Variants in MDP1 observed in about 807,000 individuals in gnomAD.
MDP1 encodes magnesium dependent phosphatase 1, also known as magnesium-dependent phosphatase 1.
Under a neutral mutation model 21.6 loss-of-function variants are expected in MDP1, and 18 were observed. The ratio of observed to expected loss-of-function variants is 0.83; its 90% confidence interval spans 0.58 to 1.24. MDP1 has a LOEUF of 1.24. Among genes scored for constraint, MDP1 ranks in the 50% most tolerant of loss-of-function variants. The pLI is 0.00. For missense variants in MDP1, 207 were observed against 218.6 expected (o/e 0.95, Z 0.33); for synonymous variants, 101 against 83.2 (o/e 1.21, Z -1.16).
rs1010777639 is a variant in MDP1, at chr14:24,214,306, G to A, written c.403+4C>T. On this transcript the variant is annotated splice_donor_region_variant and intron_variant, in intron 5 of 5. Coordinates refer to ENST00000288087, the MANE Select transcript of MDP1 (RefSeq NM_138476.4). ...CCAAATGGCTGTTCCTCATCACTCA[G>A]TACCCAGTTTGCTGACGTCTACAAT... The A allele has an allele frequency of 1.2e-6, 2 of 1,614,032 alleles. No homozygotes were observed. The highest frequency in any genetic ancestry group is 1.3e-5 in the African/African-American group (1 of 74,912).
chr14:24,215,081 CTT>C lies in MDP1; in HGVS notation c.209+469_209+470del, dbSNP rs907932145. 4.2e-3 allele frequency among the ~76,000 whole-genome samples: 466 copies of C among 111,240 alleles called. 1 individual carries two copies. The highest frequency in any genetic ancestry group is 0.014 in the African/African-American group (368 of 26,468). The allele number at this position is 111,240 out of a possible 152,430, so 73.0% of individuals were successfully genotyped here. On this transcript the variant is annotated intron_variant, in intron 3 of 5. Coordinates refer to ENST00000288087, the MANE Select transcript of MDP1 (RefSeq NM_138476.4). ...GTGTGAGTCACTGTGTCTGGCCCCA[CTT>C]TTTTTTTTTTTTTTTTTTTTGAGAC... is the stretch of plus-strand genomic sequence containing the variant.
chr14:24,215,765 G>T lies in MDP1; in HGVS notation c.70C>A (p.His24Asn). The change falls in exon 2 of 6, where the codon CAC (histidine) becomes AAC (asparagine). Residue 24 changes from histidine (H) to asparagine (N), a missense_variant. Physicochemically the swap from His to Asn is moderately conservative, Grantham distance 68 (BLOSUM62 1). Transcript: ENST00000288087. ...YTLWPFWVDT[H>N]VDPPFHKSSD... ...CTCTTATGGAACGGAGGGTCTACGT[G>T]CGTGTCGACCCAGAAAGGCCAGAGA... 6.2e-7 allele frequency: 1 copy of T among 1,614,204 alleles called. No individual in the cohort carries two copies. The highest frequency in any genetic ancestry group is 8.5e-7 in the Non-Finnish European group (1 of 1,180,046).
At position 24,215,973 on chromosome 14, in the gene MDP1, G is replaced by A. The variant is rs2039690046; in HGVS notation, c.-18C>T. 3 of 1,614,006 alleles carry A rather than the reference G, an allele frequency of 1.9e-6. No homozygotes were observed. Among genetic ancestry groups the A allele is most frequent in the Non-Finnish European group, 2.5e-6 (3 of 1,180,026 alleles). ...CGCGCCATGACCCGCACCGCAGGCTGCGCGCAGCAGAGGTGGGGCTTCACC... is the reference window on the plus strand; with the variant it reads ...CGCGCCATGACCCGCACCGCAGGCTACGCGCAGCAGAGGTGGGGCTTCACC... On this transcript the variant is annotated 5_prime_UTR_variant, in exon 1 of 6. Coordinates refer to ENST00000288087, the MANE Select transcript of MDP1 (RefSeq NM_138476.4).
In MDP1 at chr14:24,216,023, T is replaced by TC; in HGVS notation, c.-69dup. On this transcript the variant is annotated 5_prime_UTR_variant, in exon 1 of 6. The change creates a premature stop within an existing upstream ORF in the 5' untranslated region. Transcript: ENST00000288087. ...CCGGGGCCTTAGAGAGTGCGGAACC[T>TC]CCGGCAGCTAAGGCAGCCACCCTGC... 6.2e-7 allele frequency: 1 copy of TC among 1,604,386 alleles called. No homozygotes were observed. Among genetic ancestry groups the TC allele is most frequent in the Non-Finnish European group, 8.5e-7 (1 of 1,174,852 alleles).
Position 24,215,757 on chromosome 14 carries a change from G to T in MDP1, c.78C>A (p.Asp26Glu), listed in dbSNP as rs2138871994. 1 of 1,614,244 alleles carries T rather than the reference G, an allele frequency of 6.2e-7. No individual in the cohort carries two copies. Among genetic ancestry groups the T allele is most frequent in the Non-Finnish European group, 8.5e-7 (1 of 1,180,052 alleles). ...CTCACCTGCTCTTATGGAACGGAGG[G>T]TCTACGTGCGTGTCGACCCAGAAAG... is the stretch of plus-strand genomic sequence containing the variant. ...LWPFWVDTHV[D>E]PPFHKSSDGT... Residue 26 changes from aspartate (D) to glutamate (E), a missense_variant, in exon 2 of 6, where the codon GAC becomes GAA. Transcript: ENST00000288087.
In MDP1 at chr14:24,215,847, G is replaced by C. The variant is rs976308688; in HGVS notation, c.38-50C>G. 3 of 1,613,798 alleles carry C rather than the reference G, an allele frequency of 1.9e-6. No homozygotes were observed. The African/African-American group carries it at 4.0e-5, about 22-fold the overall frequency. ...TTCAGCCTGGGGCGGGAGATGCAGGGATTCGGGAGCTGCTGTTAGGGATGT... is the reference window on the plus strand; with the variant it reads ...TTCAGCCTGGGGCGGGAGATGCAGGCATTCGGGAGCTGCTGTTAGGGATGT... On this transcript the variant is annotated intron_variant, in intron 1 of 5. Coordinates refer to ENST00000288087, the MANE Select transcript of MDP1 (RefSeq NM_138476.4).
At chr14:24,214,732 C>T in intron 3 of MDP1, 133 bp from the exon 4 acceptor site, 1 of 883,252 alleles carries the variant, frequency 1.1e-6, no homozygotes, top group Non-Finnish European at 1.8e-6. Context: ...CATCCTCAGC[C>T]TCTGTTTAAC....
At chr14:24,214,659 A>G (rs2039646795) in intron 3 of MDP1, 60 bp from the exon 4 acceptor site, 10 of 1,579,384 alleles carry the variant, frequency 6.3e-6, no homozygotes, top group Non-Finnish European at 6.9e-6. Flanking sequence ...ACGTTAACTT[A>G]TTAAGCAAAG....
Position 24,214,070 on chromosome 14 carries a change from G to T in MDP1, c.485C>A (p.Thr162Asn). The T allele has an allele frequency of 2.5e-6, 4 of 1,613,080 alleles. No homozygotes were observed. Among genetic ancestry groups the T allele is most frequent in the Non-Finnish European group, 3.4e-6 (4 of 1,179,522 alleles). The change falls in exon 6 of 6, where the codon ACT becomes AAT. Residue 162 changes from threonine (T) to asparagine (N), a missense_variant. Coordinates refer to ENST00000288087, the MANE Select transcript of MDP1 (RefSeq NM_138476.4). ...CTCAAGGCTGGACCTCAAAGGCCCA[G>T]TTTGGGCCTTCGCAAATGTCTCTAA... Reference protein sequence around the residue: ...QGLETFAKAQTGPLRSSLEES... With the variant: ...QGLETFAKAQNGPLRSSLEES...
intron 1 of MDP1, 40 bp from the exon 2 acceptor site, chr14:24,215,837 G>C (rs967517947): frequency 1.2e-6 from 2 of 1,614,050 alleles, no homozygotes; most frequent in Non-Finnish European, 1.7e-6. Flanking sequence ...CCTGGGGCGG[G>C]AGATGCAGGG....
At chr14:24,215,421 A>G in intron 3 of MDP1, 131 bp downstream of exon 3, 2 of 1,066,914 alleles carry the variant, frequency 1.9e-6, no homozygotes, top group South Asian at 1.4e-5. Context: ...GGCACAGGAG[A>G]GCGTTCAAGG....
Position 24,215,604 on chromosome 14 carries a change from C to T in MDP1, c.157G>A (p.Glu53Lys). ...QDVRLYPEVP[E>K]VLKRLQSLGV... The stretch of plus-strand genomic sequence containing the variant: ...AGGCTCTGCAATCGTTTTAGGACCT[C>T]AGGCACCTCTGGGTACAGTCGGACG... The change falls in exon 3 of 6, where the codon GAG becomes AAG. Residue 53 changes from glutamate (E) to lysine (K), a missense_variant. Transcript: ENST00000288087. 6.2e-7 allele frequency: 1 copy of T among 1,614,196 alleles called. No individual in the cohort carries two copies. Among genetic ancestry groups the T allele is most frequent in the Non-Finnish European group, 8.5e-7 (1 of 1,180,038 alleles).
intron 3 of MDP1, among the ~76,000 whole-genome samples, chr14:24,215,141 A>G (rs1338310905): frequency 1.4e-5 from 2 of 139,530 alleles, no homozygotes; most frequent in Non-Finnish European, 3.0e-5. Flanking sequence ...GCTGAAGTGC[A>G]GTGGCTCCAT....
At chr14:24,215,828 C>G (rs1306799565) in intron 1 of MDP1, 31 bp from the exon 2 acceptor site, 32 of 1,614,106 alleles carry the variant, frequency 2.0e-5, no homozygotes, top group Admixed American at 3.3e-5. Flanking sequence ...AAGGTTCAGC[C>G]TGGGGCGGGA....
At position 24,215,804 on chromosome 14, in the gene MDP1, G is replaced by A. The variant is rs768279836; in HGVS notation, c.38-7C>T. ...AAAGGCCAGAGAGTGTAATCTGCGAGAGGAAGGAGAGGGAAGGTTCAGCCT... is the reference window on the plus strand; with the variant it reads ...AAAGGCCAGAGAGTGTAATCTGCGAAAGGAAGGAGAGGGAAGGTTCAGCCT... On this transcript the variant is annotated splice_polypyrimidine_tract_variant and splice_region_variant and intron_variant, in intron 1 of 5. Coordinates refer to ENST00000288087, the MANE Select transcript of MDP1 (RefSeq NM_138476.4). 10 of 1,614,110 alleles carry A rather than the reference G, an allele frequency of 6.2e-6. No homozygotes were observed. In the African/African-American group the frequency reaches 8.0e-5, roughly 13 times the overall value.
chr14:24,214,281 C>T (rs2039635169), intron 5 of MDP1, 29 bp downstream of exon 5: 1 of 1,614,158 alleles, frequency 6.2e-7, no homozygotes, highest in African/African-American at 1.3e-5. Context: ...CCTAGGGACC[C>T]CAAATGGCTG....
Position 24,214,109 on chromosome 14 carries a change from G to A in MDP1, c.446C>T (p.Thr149Ile). Residue 149 changes from threonine to isoleucine, a missense_variant, in exon 6 of 6, where the codon ACT (threonine) becomes ATT (isoleucine). Coordinates refer to ENST00000288087, the MANE Select transcript of MDP1 (RefSeq NM_138476.4). ...AAATGTCTCTAACCCTTGACTTAGA[G>A]TTTGAAGATTCATTCCATTCTGGAT... ...IHIQNGMNLQ[T>I]LSQGLETFAK... 6.2e-7 allele frequency: 1 copy of A among 1,613,706 alleles called. No homozygotes were observed. Among genetic ancestry groups the A allele is most frequent in the Non-Finnish European group, 8.5e-7 (1 of 1,179,838 alleles).
chr14:24,214,941 A>G (rs1208056954), intron 3 of MDP1, among the ~76,000 whole-genome samples: 1 of 137,030 alleles, frequency 7.3e-6, no homozygotes. Context: ...CGCCACTACA[A>G]TTTTTTTTTT....
chr14:24,215,723 T>G lies in MDP1; in HGVS notation c.98+14A>C. 6.2e-7 allele frequency: 1 copy of G among 1,614,194 alleles called. No individual in the cohort carries two copies. Among genetic ancestry groups the G allele is most frequent in the East Asian group, 2.2e-5 (1 of 44,872 alleles). ...GTCCTATCTCGCCCCCAGTCTTCCC[T>G]GTCCCTACCTCACCTGCTCTTATGG... is the stretch of plus-strand genomic sequence containing the variant. On this transcript the variant is annotated intron_variant, in intron 2 of 5. Transcript: ENST00000288087.
Sources: gnomAD v4.1 joint callset for allele counts (sites outside exome capture counted in the v4.1 genomes callset) on GRCh38, gnomAD v4.1.1 for gene constraint, MANE v1.5 for transcripts, NCBI Gene and HGNC (gene_info 2026-07-23, HGNC 2026-07-21) for gene names.